Variants in EYS observed in about 807,000 individuals in gnomAD.
EYS encodes the protein protein eyes shut homolog.
Under a neutral mutation model 282.1 loss-of-function variants are expected in EYS, and 250 were observed. That is an observed-to-expected ratio of 0.89 (90% CI 0.80 to 0.98). The LOEUF (loss-of-function observed/expected upper bound fraction) is 0.98. Ranked by LOEUF, EYS falls within the 50% of genes least tolerant of loss-of-function variation. The pLI, the probability that EYS is intolerant of heterozygous loss-of-function variation, is 0.00. For missense variants in EYS, 4,016 were observed against 3,709.0 expected (o/e 1.08, Z -2.15); for synonymous variants, 1,355 against 1,282.9 (o/e 1.06, Z -1.20).
rs2149780473 is a variant in EYS at position 63,967,044 on chromosome 6, T to C, written c.7055+17339A>G. 4.6e-5 allele frequency among the ~76,000 whole-genome samples: 7 copies of C among 152,248 alleles called. No individual in the cohort carries two copies. The South Asian group carries it at 1.5e-3, about 32-fold the overall frequency. ...GGAGATTAACAACAATAATTAGCAA[T>C]AAAATAGAACAGTTGCAACAATATG... On this transcript the variant is annotated intron_variant, in intron 35 of 42. Transcript: ENST00000503581.
intron 15 of EYS, among the ~76,000 whole-genome samples, chr6:64,922,844 G>A (rs1438116251): frequency 2.0e-5 from 3 of 152,124 alleles, no homozygotes; most frequent in East Asian, 1.9e-4. Context: ...CTCCTGGAAC[G>A]GAGGACACAG....
intron 31 of EYS, among the ~76,000 whole-genome samples, chr6:64,192,340 C>T (rs1765141093): frequency 6.6e-6 from 1 of 152,056 alleles, no homozygotes. Flanking sequence ...TTAATTAGAT[C>T]CCATTTGTCA....
At chr6:63,770,400 TAAA>T (rs1001618546) in intron 40 of EYS, among the ~76,000 whole-genome samples, 9 of 152,136 alleles carry the variant, frequency 5.9e-5, no homozygotes, top group African/African-American at 2.2e-4. Flanking sequence ...GCTGGATCTG[TAAA>T]AAAGTTCTGG....
chr6:65,289,287 G>T (rs1430168292), intron 12 of EYS, among the ~76,000 whole-genome samples: 1 of 150,818 alleles, frequency 6.6e-6, no homozygotes, highest in African/African-American at 2.4e-5. Flanking sequence ...AAACCAACTG[G>T]CATGAGGACC....
At chr6:64,375,824 C>T (rs1196920242) in intron 29 of EYS, among the ~76,000 whole-genome samples, 1 of 152,144 alleles carries the variant, frequency 6.6e-6, no homozygotes, top group Non-Finnish European at 1.5e-5. Context: ...AAAAATGATA[C>T]ATTCTGTATA....
intron 2 of EYS, among the ~76,000 whole-genome samples, chr6:65,559,648 A>AC (rs1193139570): frequency 6.6e-6 from 1 of 152,196 alleles, no homozygotes; most frequent in Non-Finnish European, 1.5e-5. Context: ...ACTATAGTTT[A>AC]CATCATCAAA....
intron 2 of EYS, among the ~76,000 whole-genome samples, chr6:65,638,332 G>A (rs1337603684): frequency 6.6e-6 from 1 of 152,096 alleles, no homozygotes; most frequent in East Asian, 1.9e-4. Flanking sequence ...TTTTTTAAGA[G>A]GCAGGACAAG....
At chr6:64,626,661 G>C (rs1439726786) in intron 22 of EYS, among the ~76,000 whole-genome samples, 1 of 152,162 alleles carries the variant, frequency 6.6e-6, no homozygotes, top group Non-Finnish European at 1.5e-5. Flanking sequence ...CTAGAAGCTG[G>C]AAGAGGAAAG....
At chr6:64,791,521 T>C (rs1774190856) in intron 22 of EYS, among the ~76,000 whole-genome samples, 1 of 151,918 alleles carries the variant, frequency 6.6e-6, no homozygotes, top group South Asian at 2.1e-4. Flanking sequence ...AACATTTTCA[T>C]GAGTATTTAA....
chr6:65,421,835 A>C (rs568000105), intron 5 of EYS, among the ~76,000 whole-genome samples: 47 of 152,028 alleles, frequency 3.1e-4, no homozygotes, highest in African/African-American at 1.1e-3. Flanking sequence ...AAGCAATCAG[A>C]ACCACACGAC....
intron 32 of EYS, 40 bp downstream of exon 32, chr6:64,081,816 A>G: frequency 7.2e-7 from 1 of 1,397,722 alleles, no homozygotes; most frequent in Non-Finnish European, 9.6e-7. Flanking sequence ...CGTTTGAGAA[A>G]GAAACATGAC....
intron 33 of EYS, among the ~76,000 whole-genome samples, chr6:64,013,286 G>A (rs1344024420): frequency 6.6e-6 from 1 of 152,086 alleles, no homozygotes; most frequent in Non-Finnish European, 1.5e-5. Context: ...ACGTGCAATG[G>A]GACTCGCAGC....
Position 64,897,871 on chromosome 6 carries a change from C to T in EYS, c.2846+4242G>A, listed in dbSNP as rs148110606. On this transcript the variant is annotated intron_variant, in intron 18 of 42. Coordinates refer to ENST00000503581, the MANE Select transcript of EYS (RefSeq NM_001142800.2). The stretch of plus-strand genomic sequence containing the variant: ...AAGGATATCAGAGATTGAAGATCAA[C>T]TTAGTGAAATAAAGCAAGAAGACAA... 7.8e-3 allele frequency among the ~76,000 whole-genome samples: 1,189 copies of T among 152,106 alleles called. 13 individuals are homozygous for T. Among genetic ancestry groups the T allele is most frequent in the African/African-American group, 0.027 (1,138 of 41,514 alleles).
intron 7 of EYS, among the ~76,000 whole-genome samples, chr6:65,391,245 T>C (rs1262783642): frequency 1.3e-5 from 2 of 152,100 alleles, no homozygotes; most frequent in Admixed American, 1.3e-4. Context: ...TATTGCAGAA[T>C]GTAAAGTTGT....
intron 22 of EYS, among the ~76,000 whole-genome samples, chr6:64,761,366 T>C (rs1215434325): frequency 3.3e-5 from 5 of 152,230 alleles, no homozygotes; most frequent in Admixed American, 3.3e-4. Flanking sequence ...CTGTAAACAA[T>C]GGATAAGACC....
chr6:65,127,747 CA>C (rs1159681578), intron 12 of EYS, among the ~76,000 whole-genome samples: 1 of 151,922 alleles, frequency 6.6e-6, no homozygotes, highest in African/African-American at 2.4e-5. Context: ...CTTCAGTATC[CA>C]TTTCTTCATT....
chr6:64,952,728 A>AT (rs1769555327), intron 14 of EYS, among the ~76,000 whole-genome samples: 1 of 151,960 alleles, frequency 6.6e-6, no homozygotes, highest in Non-Finnish European at 1.5e-5. Context: ...TTTATGATAC[A>AT]TTTAAAGCAT....
chr6:65,323,527 G>T (rs1445929138), intron 11 of EYS, among the ~76,000 whole-genome samples: 1 of 151,530 alleles, frequency 6.6e-6, no homozygotes, highest in Non-Finnish European at 1.5e-5. Flanking sequence ...AAAACAACAG[G>T]TATAGCCTTC....
chr6:64,932,902 C>T (rs1768772683), intron 15 of EYS, among the ~76,000 whole-genome samples: 1 of 151,890 alleles, frequency 6.6e-6, no homozygotes, highest in Non-Finnish European at 1.5e-5. Context: ...GTAGAAACAA[C>T]AAAAACAAAA....
Sources: gnomAD v4.1 joint callset for allele counts (sites outside exome capture counted in the v4.1 genomes callset) on GRCh38, gnomAD v4.1.1 for gene constraint, MANE v1.5 for transcripts, NCBI Gene and HGNC (gene_info 2026-07-23, HGNC 2026-07-21) for gene names.